Variants in TRPC5 observed in about 807,000 individuals in gnomAD.
TRPC5 encodes transient receptor potential cation channel subfamily C member 5, also known as short transient receptor potential channel 5.
In TRPC5, 9 loss-of-function variants were observed where a neutral mutation model predicts 56.5. The ratio of observed to expected loss-of-function variants is 0.16; its 90% CI spans 0.10 to 0.28. The LOEUF (loss-of-function observed/expected upper bound fraction) is 0.28. Ranked by LOEUF, TRPC5 falls within the 10% of genes least tolerant of loss-of-function variation. The probability of loss-of-function intolerance (pLI) is 1.00; values close to 1 mark genes in which losing one functional copy is unlikely to be tolerated. For synonymous variants in TRPC5, 282 were observed against 278.5 expected (o/e 1.01, Z -0.13); for missense variants, 469 against 748.9 (o/e 0.63, Z 4.36).
At chrX:111,986,548 C>A (rs1370423107) in intron 1 of TRPC5, among the ~76,000 whole-genome samples, 4 of 110,765 alleles carry the variant, frequency 3.6e-5, no homozygotes, top group African/African-American at 1.3e-4. Flanking sequence ...TGCACAGCAA[C>A]TGCCTCAGGG....
intron 7 of TRPC5, among the ~76,000 whole-genome samples, chrX:111,799,252 C>T (rs1432163591): frequency 9.0e-6 from 1 of 111,537 alleles, no homozygotes; most frequent in African/African-American, 3.3e-5. Context: ...AGCCCAGTTG[C>T]TAGTCTTTTG....
intron 6 of TRPC5, among the ~76,000 whole-genome samples, chrX:111,842,039 CTCTA>C (rs72289513): frequency 0.087 from 7,785 of 89,705 alleles, 830 homozygotes; most frequent in African/African-American, 0.28. Flanking sequence ...CTATCTATAG[CTCTA>C]TCTATCTATC....
At chrX:111,956,741 C>T (rs927651752) in intron 1 of TRPC5, among the ~76,000 whole-genome samples, 2 of 111,421 alleles carry the variant, frequency 1.8e-5, no homozygotes, top group East Asian at 2.8e-4. Context: ...GAACCTCCTG[C>T]AAAGAACTCC....
chrX:112,015,014 C>T (rs1488184169), intron 1 of TRPC5, among the ~76,000 whole-genome samples: 1 of 98,454 alleles, frequency 1.0e-5, no homozygotes, highest in Non-Finnish European at 2.0e-5. Context: ...CCGCTTTTCC[C>T]TCTACTCTGC....
intron 7 of TRPC5, among the ~76,000 whole-genome samples, chrX:111,798,057 G>T (rs1276388167): frequency 9.0e-6 from 1 of 111,102 alleles, no homozygotes; most frequent in Non-Finnish European, 1.9e-5. Flanking sequence ...AGAAAAAAAT[G>T]GATATATCCT....
intron 2 of TRPC5, among the ~76,000 whole-genome samples, chrX:111,925,717 G>A (rs1224531229): frequency 1.8e-5 from 2 of 111,894 alleles, no homozygotes; most frequent in Non-Finnish European, 3.8e-5. Flanking sequence ...ATATGGAGGG[G>A]AACAATTTCC....
intron 1 of TRPC5, among the ~76,000 whole-genome samples, chrX:112,007,494 A>G (rs1173341378): frequency 9.0e-6 from 1 of 111,564 alleles, no homozygotes; most frequent in East Asian, 2.8e-4. Context: ...TCTTTGGACT[A>G]TAAAGGGAGT....
chrX:111,985,361 TA>T (rs1478063466), intron 1 of TRPC5, among the ~76,000 whole-genome samples: 3 of 112,049 alleles, frequency 2.7e-5, no homozygotes, highest in Non-Finnish European at 5.6e-5. Flanking sequence ...CTGACCTCCA[TA>T]ACCCCCTACT....
intron 1 of TRPC5, among the ~76,000 whole-genome samples, chrX:112,050,266 T>C (rs1930181798): frequency 8.9e-6 from 1 of 112,846 alleles, no homozygotes; most frequent in African/African-American, 3.2e-5. Context: ...ATTGACTTTT[T>C]CCTCTTGTAA....
At chrX:111,983,550 T>A (rs964739690) in intron 1 of TRPC5, among the ~76,000 whole-genome samples, 3 of 111,847 alleles carry the variant, frequency 2.7e-5, no homozygotes, top group Non-Finnish European at 3.8e-5. Flanking sequence ...TCATAAATTT[T>A]CTAATCATGT....
chrX:111,906,615 A>T (rs1430971363), intron 3 of TRPC5, among the ~76,000 whole-genome samples: 1 of 111,911 alleles, frequency 8.9e-6, no homozygotes, highest in Non-Finnish European at 1.9e-5. Context: ...TCTGTGTGAA[A>T]TACAGCTTTT....
chrX:112,054,783 C>A (rs187686725), intron 1 of TRPC5, among the ~76,000 whole-genome samples: 1 of 111,531 alleles, frequency 9.0e-6, no homozygotes, highest in African/African-American at 3.3e-5. Context: ...CCCTCTCTCT[C>A]CATCTCCTTG....
intron 1 of TRPC5, among the ~76,000 whole-genome samples, chrX:111,994,528 T>C (rs956562142): frequency 1.1e-4 from 12 of 111,935 alleles, no homozygotes; most frequent in Non-Finnish European, 1.7e-4. Flanking sequence ...ATTCTTCCTA[T>C]CCATGAGCAT....
chrX:112,027,625 T>C (rs1929450369), intron 1 of TRPC5, among the ~76,000 whole-genome samples: 1 of 111,074 alleles, frequency 9.0e-6, no homozygotes. Context: ...GCCTCCTGAG[T>C]AGCTGGGACT....
At chrX:111,860,054 G>C (rs1019709272) in intron 3 of TRPC5, among the ~76,000 whole-genome samples, 1 of 112,265 alleles carries the variant, frequency 8.9e-6, no homozygotes, top group African/African-American at 3.2e-5. Flanking sequence ...GGCTACAGGC[G>C]CCCGCCACCA....
chrX:111,839,235 G>A (rs945130753), intron 6 of TRPC5, among the ~76,000 whole-genome samples: 2 of 111,408 alleles, frequency 1.8e-5, no homozygotes, highest in Non-Finnish European at 3.8e-5. Context: ...TTGAGGCTCA[G>A]TTGAAGCCCC....
intron 2 of TRPC5, among the ~76,000 whole-genome samples, chrX:111,932,443 G>A (rs1394138066): frequency 2.7e-5 from 3 of 111,273 alleles, no homozygotes; most frequent in Non-Finnish European, 5.7e-5. Context: ...TAGGAGTGGA[G>A]GGAAAGAGTG....
At chrX:111,832,043 A>G (rs1922424039) in intron 7 of TRPC5, among the ~76,000 whole-genome samples, 2 of 111,649 alleles carry the variant, frequency 1.8e-5, no homozygotes, top group Non-Finnish European at 3.8e-5. Flanking sequence ...TATAAGAATA[A>G]AAGGAGAAGT....
At chrX:112,056,995 G>A (rs906250094) in intron 1 of TRPC5, among the ~76,000 whole-genome samples, 3 of 112,239 alleles carry the variant, frequency 2.7e-5, no homozygotes, top group African/African-American at 9.7e-5. Context: ...CAAAGGTCTG[G>A]CTTCAGCAAT....
Sources: gnomAD v4.1 joint callset for allele counts (sites outside exome capture counted in the v4.1 genomes callset) on GRCh38, gnomAD v4.1.1 for gene constraint, MANE v1.5 for transcripts, NCBI Gene and HGNC (gene_info 2026-07-23, HGNC 2026-07-21) for gene names.